Variants in CARMIL1 observed in about 807,000 individuals in gnomAD.
The protein encoded by CARMIL1 is capping protein regulator and myosin 1 linker 1, also known as F-actin-uncapping protein LRRC16A.
Under a neutral mutation model 177.1 loss-of-function variants are expected in CARMIL1, and 90 were observed. The ratio of observed to expected loss-of-function variants is 0.51; its 90% confidence interval spans 0.43 to 0.61. CARMIL1 has a LOEUF of 0.61. CARMIL1 is among the 20% of genes least tolerant of loss of function. CARMIL1 has a pLI of 0.00. For synonymous variants in CARMIL1, 577 were observed against 606.2 expected, an observed-to-expected ratio of 0.95 and a Z score of 0.71; for missense variants, 1,380 against 1,667.0, an observed-to-expected ratio of 0.83 and a Z score of 3.00.
intron 3 of CARMIL1, 41 bp from the exon 4 acceptor site, chr6:25,426,460 C>T (rs771942792): frequency 5.8e-6 from 8 of 1,386,610 alleles, no homozygotes; most frequent in Non-Finnish European, 8.1e-6. Flanking sequence ...TTAAAACCCT[C>T]ATTGCAGGTC....
At chr6:25,485,775 ATGTT>A (rs889955682) in intron 12 of CARMIL1, among the ~76,000 whole-genome samples, 25 of 152,306 alleles carry the variant, frequency 1.6e-4, no homozygotes, top group Non-Finnish European at 5.9e-5. Context: ...ATATCTTGAA[ATGTT>A]TGTTTATTTA....
intron 2 of CARMIL1, among the ~76,000 whole-genome samples, chr6:25,306,879 C>CTTTT (rs35585232): frequency 0.021 from 2,182 of 105,900 alleles, 58 homozygotes; most frequent in Non-Finnish European, 0.033. Flanking sequence ...AGTGCCTTGG[C>CTTTT]TTTTTTTTTT....
intron 29 of CARMIL1, among the ~76,000 whole-genome samples, chr6:25,559,648 A>C (rs1265456326): frequency 6.6e-6 from 1 of 152,214 alleles, no homozygotes; most frequent in African/African-American, 2.4e-5. Context: ...TTTATAGCCC[A>C]AAGAACGGTG....
chr6:25,517,810 G>A (rs774817228), intron 22 of CARMIL1, among the ~76,000 whole-genome samples: 6 of 152,162 alleles, frequency 3.9e-5, no homozygotes, highest in Non-Finnish European at 8.8e-5. Context: ...GAAGAAAGCT[G>A]AGGTCCAGAA....
chr6:25,373,765 A>G (rs924323949), intron 2 of CARMIL1, among the ~76,000 whole-genome samples: 9 of 151,694 alleles, frequency 5.9e-5, no homozygotes, highest in Non-Finnish European at 1.2e-4. Flanking sequence ...TTGTATTTTT[A>G]GTAGACGTGG....
intron 15 of CARMIL1, among the ~76,000 whole-genome samples, chr6:25,493,793 T>C (rs1443810863): frequency 1.3e-5 from 2 of 152,162 alleles, no homozygotes; most frequent in Non-Finnish European, 2.9e-5. Flanking sequence ...TAAGACAGAA[T>C]AGCAGGAGAA....
chr6:25,560,499 G>A lies in CARMIL1; in HGVS notation c.2742+3649G>A, dbSNP rs554512858. Among the ~76,000 whole-genome samples the A allele has an allele frequency of 9.2e-5, 14 of 152,146 alleles. No individual in the cohort carries two copies. In the South Asian group the frequency reaches 2.1e-3, roughly 23 times the overall value. On this transcript the variant is annotated intron_variant, in intron 29 of 36. Transcript: ENST00000329474. ...TTAACACTTATGTAGTACCTGTGAC[G>A]TTCAGGCACTATTCTGAGCTCTTTG... is the stretch of plus-strand genomic sequence containing the variant.
intron 2 of CARMIL1, among the ~76,000 whole-genome samples, chr6:25,319,556 A>C (rs1784526912): frequency 6.6e-6 from 1 of 151,966 alleles, no homozygotes; most frequent in Non-Finnish European, 1.5e-5. Flanking sequence ...GCACACAGAG[A>C]GTTATATGTT....
intron 13 of CARMIL1, among the ~76,000 whole-genome samples, chr6:25,490,750 TAAAAAA>T (rs377733924): frequency 1.4e-4 from 7 of 50,904 alleles, no homozygotes; most frequent in East Asian, 1.2e-3. Context: ...AATAAATAAA[TAAAAAA>T]AAATAAATGT....
At chr6:25,451,986 G>GCCCCCTCCT in intron 8 of CARMIL1, 4 of 112,672 alleles carry the variant, frequency 3.6e-5, no homozygotes, top group African/African-American at 1.5e-4. Context: ...CTAGCATCTT[G>GCCCCCTCCT]CCCCCCCCTC....
chr6:25,520,672 C>T (rs1020645987), intron 23 of CARMIL1, among the ~76,000 whole-genome samples: 4 of 152,108 alleles, frequency 2.6e-5, no homozygotes, highest in African/African-American at 9.7e-5. Flanking sequence ...CTTCCCTCCT[C>T]TTCATCCTCA....
chr6:25,600,676 A>G lies in CARMIL1; in HGVS notation c.3482A>G (p.Gln1161Arg), dbSNP rs1815309796. ...SPQAGRRYGV[Q>R]VMGSGLLAEM... ...CAGGCAGGGCGGAGGTATGGGGTCCAGGTGATGGGCAGTGGTCTGCTGGCA... is the reference window on the plus strand; with the variant it reads ...CAGGCAGGGCGGAGGTATGGGGTCCGGGTGATGGGCAGTGGTCTGCTGGCA... The change falls in exon 33 of 37, where the codon CAG (glutamine) becomes CGG (arginine). Residue 1161 changes from glutamine (Q) to arginine (R), a missense_variant. Physicochemically the swap from Gln to Arg is conservative, Grantham distance 43. Transcript: ENST00000329474. The G allele has an allele frequency of 6.2e-7, 1 of 1,607,972 alleles. No individual in the cohort carries two copies. Among genetic ancestry groups the G allele is most frequent in the East Asian group, 2.2e-5 (1 of 44,816 alleles).
intron 8 of CARMIL1, among the ~76,000 whole-genome samples, chr6:25,457,097 G>A (rs1355891867): frequency 6.6e-6 from 1 of 151,834 alleles, no homozygotes; most frequent in Non-Finnish European, 1.5e-5. Context: ...TCTCGAAATA[G>A]TTCTGTAGAA....
rs1358217348 is a variant in CARMIL1, at chr6:25,500,283, C to T, written c.1395+48C>T. On this transcript the variant is annotated intron_variant, in intron 17 of 36. Coordinates refer to ENST00000329474, the MANE Select transcript of CARMIL1 (RefSeq NM_017640.6). ...TACTGGAATAGATAATAGCCTCAAC[C>T]GCTTTGCCTTTTTCCTGGATAAAAT... The T allele has an allele frequency of 5.9e-6, 9 of 1,527,268 alleles. No homozygotes were observed. The African/African-American group carries it at 6.8e-5, about 12-fold the overall frequency. The allele number at this position is 1,527,268 out of a possible 1,614,324, so 94.6% of individuals were successfully genotyped here.
chr6:25,535,770 A>G (rs1582280964), intron 24 of CARMIL1, among the ~76,000 whole-genome samples: 2 of 152,186 alleles, frequency 1.3e-5, no homozygotes, highest in African/African-American at 2.4e-5. Flanking sequence ...AAAATTTTCA[A>G]TCTGTACTCT....
At chr6:25,341,472 C>T (rs1301939184) in intron 2 of CARMIL1, among the ~76,000 whole-genome samples, 1 of 152,156 alleles carries the variant, frequency 6.6e-6, no homozygotes, top group Non-Finnish European at 1.5e-5. Context: ...GCCTATAATC[C>T]CAGCACTTTG....
chr6:25,366,808 A>G lies in CARMIL1; in HGVS notation c.139-53306A>G, dbSNP rs547414451. On this transcript the variant is annotated intron_variant, in intron 2 of 36. Coordinates refer to ENST00000329474, the MANE Select transcript of CARMIL1 (RefSeq NM_017640.6). ...TTAAAAATGGTTGTGTCAGTTTAAT[A>G]TAAGTGTGTTCTTTTCTTGCCTACT... Among the ~76,000 whole-genome samples the G allele has an allele frequency of 7.9e-5, 12 of 152,288 alleles. 1 individual carries two copies. The highest frequency in any genetic ancestry group is 5.9e-4 in the Admixed American group (9 of 15,292).
intron 24 of CARMIL1, among the ~76,000 whole-genome samples, chr6:25,529,397 CTT>C (rs1432921888): frequency 2.6e-5 from 4 of 152,276 alleles, no homozygotes; most frequent in Non-Finnish European, 4.4e-5. Flanking sequence ...CTGCATTCCT[CTT>C]CTCTCTACCC....
At chr6:25,413,470 T>G (rs1462970162) in intron 2 of CARMIL1, among the ~76,000 whole-genome samples, 3 of 152,228 alleles carry the variant, frequency 2.0e-5, no homozygotes, top group Non-Finnish European at 4.4e-5. Context: ...TTCTAATAAG[T>G]GTGCAATGAG....
Sources: allele counts gnomAD v4.1 joint callset (sites outside exome capture counted in the v4.1 genomes callset), GRCh38; gene constraint gnomAD v4.1.1; transcripts MANE v1.5; gene names NCBI Gene and HGNC (gene_info 2026-07-23, HGNC 2026-07-21).